ABCC3: variants seen among roughly 807,000 people sequenced by gnomAD.
ABCC3 encodes ATP-binding cassette sub-family C member 3.
A neutral mutation model predicts 165.3 loss-of-function variants in ABCC3; 121 were observed. That is an observed-to-expected ratio of 0.73 (90% CI 0.63 to 0.85). The LOEUF (loss-of-function observed/expected upper bound fraction) is 0.85, where lower values mean the gene tolerates loss of function less well. ABCC3 is among the 40% of genes least tolerant of loss of function. The probability of loss-of-function intolerance (pLI) is 0.00; values close to 1 mark genes in which losing one functional copy is unlikely to be tolerated. For synonymous variants in ABCC3, 733 were observed against 810.1 expected, an observed-to-expected ratio of 0.90 and a Z score of 1.62; for missense variants, 1,869 against 1,964.1, an observed-to-expected ratio of 0.95 and a Z score of 0.92.
chr17:50,635,705 A>T, intron 1 of ABCC3: 1 of 655,638 alleles, frequency 1.5e-6, no homozygotes, highest in Non-Finnish European at 2.8e-6. Context: ...CAGTTCAATG[A>T]AGGCAGAGCT....
intron 5 of ABCC3, 77 bp from the exon 6 acceptor site, chr17:50,658,358 C>A: frequency 1.3e-6 from 2 of 1,579,686 alleles, no homozygotes; most frequent in African/African-American, 1.3e-5. Context: ...GAACAAGGGT[C>A]CCCTCCATTT....
chr17:50,661,095 A>G lies in ABCC3; in HGVS notation c.979A>G (p.Ile327Val), dbSNP rs773528140. Residue 327 changes from isoleucine to valine, a missense_variant, in exon 8 of 31, where the codon ATC becomes GTC. Transcript: ENST00000285238. The part of the protein sequence containing the change: ...FKLIQDLLSF[I>V]NPQLLSILIR... ...GCTTATCCAGGACCTGCTCTCCTTC[A>G]TCAATCCACAGCTGCTCAGGTCTCT... is the stretch of plus-strand genomic sequence containing the variant. 2 of 1,613,566 alleles carry G rather than the reference A, an allele frequency of 1.2e-6. No homozygotes were observed. Among genetic ancestry groups the G allele is most frequent in the Non-Finnish European group, 1.7e-6 (2 of 1,179,676 alleles).
intron 1 of ABCC3, among the ~76,000 whole-genome samples, chr17:50,652,609 T>C (rs1967132800): frequency 6.6e-6 from 1 of 152,200 alleles, no homozygotes; most frequent in African/African-American, 2.4e-5. Context: ...AACTCTTAAG[T>C]TGTCCTCAGC....
At chr17:50,637,121 T>G in intron 1 of ABCC3, among the ~76,000 whole-genome samples, 1 of 152,072 alleles carries the variant, frequency 6.6e-6, no homozygotes, top group Non-Finnish European at 1.5e-5. Flanking sequence ...TATGAAGCCC[T>G]CGTGAGATCT....
intron 11 of ABCC3, 40 bp from the exon 12 acceptor site, chr17:50,667,514 G>A (rs747180826): frequency 7.0e-6 from 11 of 1,560,326 alleles, no homozygotes; most frequent in Non-Finnish European, 8.8e-7. Context: ...GGTCAGGGGA[G>A]GGAGCAGGTG....
chr17:50,685,044 C>G (rs533944890), intron 29 of ABCC3, among the ~76,000 whole-genome samples, 169 bp downstream of exon 29: 1 of 152,170 alleles, frequency 6.6e-6, no homozygotes, highest in Non-Finnish European at 1.5e-5. Context: ...TGTACTGCCC[C>G]GCCGACTCCT....
intron 1 of ABCC3, 42 bp from the exon 2 acceptor site, chr17:50,655,790 T>G (rs762519135): frequency 6.3e-7 from 1 of 1,592,464 alleles, no homozygotes; most frequent in East Asian, 2.2e-5. Flanking sequence ...CCCAATTCTC[T>G]GTGGGGCTGC....
intron 1 of ABCC3, among the ~76,000 whole-genome samples, chr17:50,639,601 G>T (rs2054209109): frequency 6.6e-6 from 1 of 152,150 alleles, no homozygotes; most frequent in African/African-American, 2.4e-5. Flanking sequence ...GGAGTTGGGG[G>T]TGAAATGAGA....
intron 30 of ABCC3, among the ~76,000 whole-genome samples, chr17:50,690,175 G>C (rs1464349834): frequency 1.3e-5 from 2 of 152,218 alleles, no homozygotes; most frequent in African/African-American, 4.8e-5. Flanking sequence ...GAGGGTACAG[G>C]AGGCTGGAGT....
intron 15 of ABCC3, 99 bp from the exon 16 acceptor site, chr17:50,669,041 T>C: frequency 6.3e-7 from 1 of 1,592,916 alleles, no homozygotes; most frequent in South Asian, 1.1e-5. Context: ...GCCAGGGGGG[T>C]GTCTGGAAGG....
In ABCC3 at chr17:50,683,767, G is replaced by C; in HGVS notation, c.3954+11G>C. On this transcript the variant is annotated intron_variant, in intron 27 of 30. Coordinates refer to ENST00000285238, the MANE Select transcript of ABCC3 (RefSeq NM_003786.4). ...CACGGTGGCGAGAAGGTACGCGTGG[G>C]GTAGGCGGGCCTGCGTGTGTGTTCA... is the stretch of plus-strand genomic sequence containing the variant. 1 of 1,601,508 alleles carries C rather than the reference G, an allele frequency of 6.2e-7. No homozygotes were observed. Among genetic ancestry groups the C allele is most frequent in the Non-Finnish European group, 8.5e-7 (1 of 1,175,622 alleles).
intron 1 of ABCC3, among the ~76,000 whole-genome samples, chr17:50,646,839 A>G (rs921921562): frequency 2.0e-5 from 3 of 152,140 alleles, no homozygotes; most frequent in African/African-American, 7.2e-5. Context: ...GAGGTTAAGA[A>G]CCTGGGTCAA....
chr17:50,648,683 C>T (rs187691749), intron 1 of ABCC3, among the ~76,000 whole-genome samples: 1 of 152,114 alleles, frequency 6.6e-6, no homozygotes, highest in African/African-American at 2.4e-5. Context: ...GTCCTTGGTC[C>T]TTGGTACTCT....
chr17:50,662,830 G>A (rs968642350), intron 8 of ABCC3, among the ~76,000 whole-genome samples: 1 of 152,062 alleles, frequency 6.6e-6, no homozygotes, highest in African/African-American at 2.4e-5. Flanking sequence ...CTATGATTAT[G>A]GCTGGAGGGC....
At position 50,687,606 on chromosome 17, in the gene ABCC3, G is replaced by A. The variant is rs151127594; in HGVS notation, c.4351G>A (p.Glu1451Lys). 47 of 1,614,112 alleles carry A rather than the reference G, an allele frequency of 2.9e-5. No individual in the cohort carries two copies. Among genetic ancestry groups the A allele is most frequent in the South Asian group, 2.7e-4 (25 of 91,092 alleles). Residue 1451 changes from glutamate to lysine, a missense_variant, in exon 30 of 31, where the codon GAG (glutamate) becomes AAG (lysine). By Grantham distance (56) the Glu-to-Lys change is moderately conservative. Transcript: ENST00000285238. ...LRKSRILVLD[E>K]ATAAIDLETD... ...CAAGAGCCGCATCCTGGTTTTAGAC[G>A]AGGCCACAGCTGCCATCGACCTGGA...
At chr17:50,662,024 G>C (rs1967400716) in intron 8 of ABCC3, 1 of 152,318 alleles carries the variant, frequency 6.6e-6, no homozygotes, top group Admixed American at 6.5e-5. Flanking sequence ...GGAAAACAGA[G>C]AGAGGGAGAG....
At chr17:50,641,193 C>G (rs369805922) in intron 1 of ABCC3, among the ~76,000 whole-genome samples, 1 of 152,220 alleles carries the variant, frequency 6.6e-6, no homozygotes, top group African/African-American at 2.4e-5. Context: ...GCCACGTGGT[C>G]CATTCTGGAT....
intron 19 of ABCC3, among the ~76,000 whole-genome samples, chr17:50,675,098 A>G (rs1026635713): frequency 6.6e-6 from 1 of 152,136 alleles, no homozygotes; most frequent in Non-Finnish European, 1.5e-5. Context: ...ATGCCCGACC[A>G]AGGACGTGAG....
chr17:50,647,470 G>A (rs1317451405), intron 1 of ABCC3, among the ~76,000 whole-genome samples: 2 of 152,208 alleles, frequency 1.3e-5, no homozygotes, highest in African/African-American at 4.8e-5. Context: ...GGAAGTAGGC[G>A]CTGAGGCTCA....
Sources: allele counts gnomAD v4.1 joint callset (sites outside exome capture counted in the v4.1 genomes callset), GRCh38; gene constraint gnomAD v4.1.1; transcripts MANE v1.5; gene names NCBI Gene and HGNC (gene_info 2026-07-23, HGNC 2026-07-21).